Variants in FKBP5 observed in about 807,000 individuals in gnomAD.
FKBP5 encodes the protein peptidyl-prolyl cis-trans isomerase FKBP5.
Under a neutral mutation model 50.5 loss-of-function variants are expected in FKBP5, and 23 were observed. That is an observed-to-expected ratio of 0.46 (90% CI 0.33 to 0.65). The LOEUF (loss-of-function observed/expected upper bound fraction) is 0.65. FKBP5 is among the 30% of genes least tolerant of loss of function. The pLI is 0.02. For missense variants in FKBP5, 411 were observed against 553.1 expected (o/e 0.74, Z 2.58); for synonymous variants, 176 against 190.6 (o/e 0.92, Z 0.63).
At chr6:35,614,710 T>C (rs1763590920) in intron 5 of FKBP5, among the ~76,000 whole-genome samples, 2 of 152,156 alleles carry the variant, frequency 1.3e-5, no homozygotes, top group South Asian at 4.1e-4. Context: ...CTGTGGAGAA[T>C]GAGAGCATTT....
rs185551141 is a variant in FKBP5 at position 35,652,520 on chromosome 6, G to A, written c.-19-9677C>T. 9.2e-5 allele frequency among the ~76,000 whole-genome samples: 14 copies of A among 152,276 alleles called. 1 individual carries two copies. The East Asian group carries it at 2.3e-3, about 25-fold the overall frequency. On this transcript the variant is annotated intron_variant, in intron 1 of 10. Coordinates refer to ENST00000357266, the MANE Select transcript of FKBP5 (RefSeq NM_004117.4). Reference sequence around the variant, plus strand: ...CGGGGCATACCTGTCTCTTATGGTCGAGATTGCAGAGGTGAAATAAACTCC... The same window carrying A: ...CGGGGCATACCTGTCTCTTATGGTCAAGATTGCAGAGGTGAAATAAACTCC...
At chr6:35,702,683 A>T (rs1179969721) in intron 2 of FKBP5, among the ~76,000 whole-genome samples, 1 of 151,716 alleles carries the variant, frequency 6.6e-6, no homozygotes, top group Admixed American at 6.6e-5. Context: ...CGATCTCCTG[A>T]CCTCGTGATC....
At chr6:35,638,473 C>A (rs952010036) in intron 2 of FKBP5, among the ~76,000 whole-genome samples, 1 of 152,084 alleles carries the variant, frequency 6.6e-6, no homozygotes, top group South Asian at 2.1e-4. Context: ...AGAGTGCATG[C>A]GGTGGTACAA....
At chr6:35,676,762 C>T (rs1056842789) in intron 1 of FKBP5, among the ~76,000 whole-genome samples, 10 of 151,998 alleles carry the variant, frequency 6.6e-5, no homozygotes, top group African/African-American at 2.4e-4. Flanking sequence ...TTGGTTTGTA[C>T]CAGGAGGAAA....
In FKBP5 at chr6:35,580,190, T is replaced by A; in HGVS notation, c.872A>T (p.Tyr291Phe). The A allele has an allele frequency of 6.2e-7, 1 of 1,614,004 alleles. No homozygotes were observed. The highest frequency in any genetic ancestry group is 1.3e-5 in the African/African-American group (1 of 75,046). ...GGKYMQAVIQ[Y>F]GKIVSWLEME... ...CTCTAACCAGGACACTATCTTCCCA[T>A]ACTGAATCACCGCCTGCATGTATTT... The change falls in exon 9 of 11, where the codon TAT (tyrosine) becomes TTT (phenylalanine). Residue 291 changes from tyrosine to phenylalanine, a missense_variant. Transcript: ENST00000357266.
chr6:35,594,070 T>TA (rs1762903473), intron 6 of FKBP5, among the ~76,000 whole-genome samples: 1 of 152,092 alleles, frequency 6.6e-6, no homozygotes, highest in South Asian at 2.1e-4. Flanking sequence ...GAAGACATTC[T>TA]AGGCCAGGTG....
intron 3 of FKBP5, among the ~76,000 whole-genome samples, chr6:35,634,045 G>A (rs1764239264): frequency 6.6e-6 from 1 of 152,018 alleles, no homozygotes; most frequent in African/African-American, 2.4e-5. Flanking sequence ...AAAATTCCAG[G>A]AAACTCATTC....
At position 35,661,154 on chromosome 6, in the gene FKBP5, G is replaced by GTATT. The variant is rs1323974315; in HGVS notation, c.-19-18315_-19-18312dup. Among the ~76,000 whole-genome samples the GTATT allele has an allele frequency of 1.8e-3, 149 of 82,884 alleles. 48 individuals are homozygous for GTATT. The highest frequency in any genetic ancestry group is 5.3e-3 in the African/African-American group (141 of 26,794). 54.4% of individuals were successfully genotyped at this position (82,884 alleles called of 152,430 possible). On this transcript the variant is annotated intron_variant, in intron 1 of 10. Transcript: ENST00000357266. ...TTATTTTTGATTTACCTTATTTTATGTATTTATTTATTTATAGAGATATGG... is the reference window on the plus strand; with the variant it reads ...TTATTTTTGATTTACCTTATTTTATGTATTTATTTATTTATTTATAGAGATATGG...
chr6:35,710,304 C>T (rs1423535551), intron 2 of FKBP5, among the ~76,000 whole-genome samples: 4 of 151,974 alleles, frequency 2.6e-5, no homozygotes, highest in Non-Finnish European at 4.4e-5. Context: ...CATAGGAAAC[C>T]CAGTCTCTAC....
At chr6:35,681,827 T>TACACAC (rs1765669005) in intron 1 of FKBP5, among the ~76,000 whole-genome samples, 1 of 152,202 alleles carries the variant, frequency 6.6e-6, no homozygotes, top group African/African-American at 2.4e-5. Flanking sequence ...TTGATATTTA[T>TACACAC]ACATATGTGT....
rs138726652 is a variant in FKBP5, at chr6:35,606,326, T to G, written c.509-8922A>C. ...AGAGAAATGCAAATCAAAACCACAA[T>G]GAGATACCATCTCACAACTGAGTCA... On this transcript the variant is annotated intron_variant, in intron 5 of 10. Transcript: ENST00000357266. 4.3e-3 allele frequency among the ~76,000 whole-genome samples: 650 copies of G among 151,958 alleles called. 4 individuals carry two copies. Among genetic ancestry groups the G allele is most frequent in the African/African-American group, 0.014 (600 of 41,412 alleles).
intron 2 of FKBP5, among the ~76,000 whole-genome samples, chr6:35,697,041 A>G (rs1766091787): frequency 6.6e-6 from 1 of 152,188 alleles, no homozygotes; most frequent in Admixed American, 6.6e-5. Flanking sequence ...TAAAATTTTC[A>G]ATATAAAATT....
At chr6:35,706,620 G>A (rs1339240570) in intron 2 of FKBP5, among the ~76,000 whole-genome samples, 2 of 152,200 alleles carry the variant, frequency 1.3e-5, no homozygotes, top group Admixed American at 1.3e-4. Flanking sequence ...TCGTTTGTGG[G>A]AGTGAAGATT....
In FKBP5 at chr6:35,587,115, G is replaced by A; in HGVS notation, c.759C>T (p.Ala253=). ...YEVTLKSFEK[A]KESWEMDTKE... ...TGGTATCCATCTCCCAGGATTCTTT[G>A]GCCTGTGTGTAAATTTGTGACAATG... Residue 253 remains alanine, a splice_region_variant and synonymous_variant, in exon 8 of 11, where the codon GCC becomes GCT. Transcript: ENST00000357266. 6.2e-7 allele frequency: 1 copy of A among 1,613,816 alleles called. No homozygotes were observed. The highest frequency in any genetic ancestry group is 8.5e-7 in the Non-Finnish European group (1 of 1,179,804).
At chr6:35,669,914 T>C (rs571125853) in intron 1 of FKBP5, among the ~76,000 whole-genome samples, 22 of 152,308 alleles carry the variant, frequency 1.4e-4, no homozygotes, top group Non-Finnish European at 2.8e-4. Flanking sequence ...CTAAATTTAA[T>C]GTTCAAACAC....
intron 1 of FKBP5, among the ~76,000 whole-genome samples, chr6:35,675,391 G>C (rs1184540231): frequency 6.6e-6 from 1 of 152,166 alleles, no homozygotes; most frequent in African/African-American, 2.4e-5. Flanking sequence ...CCAACATGGT[G>C]AAACCCCGTC....
At chr6:35,579,379 C>T (rs1762349274) in intron 9 of FKBP5, among the ~76,000 whole-genome samples, 1 of 152,018 alleles carries the variant, frequency 6.6e-6, no homozygotes, top group South Asian at 2.1e-4. Context: ...TACTTTTACC[C>T]ACAGTATAAT....
chr6:35,586,637 T>C (rs989227537), intron 8 of FKBP5: 1 of 1,004,282 alleles, frequency 1.0e-6, no homozygotes, highest in Non-Finnish European at 1.2e-6. Context: ...AGAAAAATGA[T>C]GTGAAACTTA....
intron 3 of FKBP5, among the ~76,000 whole-genome samples, chr6:35,633,396 A>G (rs1454835482): frequency 6.6e-6 from 1 of 151,994 alleles, no homozygotes; most frequent in East Asian, 1.9e-4. Flanking sequence ...ACAAAAAATT[A>G]GCCAAGCGTG....
Sources: allele counts gnomAD v4.1 joint callset (sites outside exome capture counted in the v4.1 genomes callset), GRCh38; gene constraint gnomAD v4.1.1; transcripts MANE v1.5; gene names NCBI Gene and HGNC (gene_info 2026-07-23, HGNC 2026-07-21).